Variants in MYLK3 observed in about 807,000 individuals in gnomAD.
MYLK3 encodes MLC kinase.
Under a neutral mutation model 76.3 loss-of-function variants are expected in MYLK3, and 55 were observed. The ratio of observed to expected loss-of-function variants is 0.72; its 90% CI spans 0.58 to 0.90. MYLK3 has a LOEUF of 0.90. Ranked by LOEUF, MYLK3 falls within the 40% of genes least tolerant of loss-of-function variation. MYLK3 has a pLI of 0.00. For missense variants in MYLK3, 973 were observed against 1,053.6 expected (o/e 0.92, Z 1.06); for synonymous variants, 416 against 425.4 (o/e 0.98, Z 0.27).
intron 8 of MYLK3, among the ~76,000 whole-genome samples, chr16:46,724,719 A>C (rs1342570172): frequency 6.6e-6 from 1 of 152,216 alleles, no homozygotes; most frequent in Non-Finnish European, 1.5e-5. Context: ...AAGTTTCAAA[A>C]TTGGGAAAAG....
At chr16:46,749,955 T>G (rs1242537061), upstream of MYLK3, among the ~76,000 whole-genome samples, 1 of 152,012 alleles carries the variant, frequency 6.6e-6, no homozygotes, top group Non-Finnish European at 1.5e-5. Flanking sequence ...CAGAACATGC[T>G]AGAAAGAGCA....
At position 46,707,644 on chromosome 16, in the gene MYLK3, TCTTCA is replaced by T; in HGVS notation, c.*55_*59del. ...AAATTATTTAAATGTTTGAGTCATCTCTTCACTTCACCACTGGCCTCAGTAATTTC... is the reference window on the plus strand; with the variant it reads ...AAATTATTTAAATGTTTGAGTCATCTCTTCACCACTGGCCTCAGTAATTTC... On this transcript the variant is annotated 3_prime_UTR_variant, in exon 13 of 13. Coordinates refer to ENST00000394809, the MANE Select transcript of MYLK3 (RefSeq NM_182493.3). 1.7e-6 allele frequency: 2 copies of T among 1,155,628 alleles called. No individual in the cohort carries two copies. The highest frequency in any genetic ancestry group is 1.4e-5 in the South Asian group (1 of 73,144). 71.6% of individuals were successfully genotyped at this position (1,155,628 alleles called of 1,614,324 possible).
At chr16:46,747,229 T>G (rs1596773639) in intron 1 of MYLK3, among the ~76,000 whole-genome samples, 1 of 152,320 alleles carries the variant, frequency 6.6e-6, no homozygotes, top group East Asian at 1.9e-4. Context: ...CCTGGGTCAC[T>G]GTCAACACTC....
At position 46,748,243 on chromosome 16, in the gene MYLK3, G is replaced by T; in HGVS notation, c.-50C>A. On this transcript the variant is annotated 5_prime_UTR_variant, in exon 1 of 13. The change creates a new upstream start codon in the 5' untranslated region. Coordinates refer to ENST00000394809, the MANE Select transcript of MYLK3 (RefSeq NM_182493.3). The surrounding 1 kb of genome is among the most constrained non-coding windows in gnomAD (Gnocchi z 4.3). ...AGAGCGGGGAATGAGGAGAGGCACA[G>T]ACCCCTGGTTCTCACTCAGGCGGTG... The T allele has an allele frequency of 6.4e-7, 1 of 1,564,444 alleles. No homozygotes were observed.
chr16:46,742,923 T>C (rs929843774), intron 1 of MYLK3, among the ~76,000 whole-genome samples: 5 of 152,198 alleles, frequency 3.3e-5, no homozygotes, highest in Admixed American at 2.0e-4. Context: ...CCTCCTCTTT[T>C]ACCCACTGGC....
chr16:46,722,949 T>C (rs1966814241), intron 8 of MYLK3, among the ~76,000 whole-genome samples: 1 of 152,240 alleles, frequency 6.6e-6, no homozygotes, highest in African/African-American at 2.4e-5. Context: ...CGACCTCAGG[T>C]GATCTGCCTG....
chr16:46,730,010 C>T (rs901818743), intron 5 of MYLK3: 1 of 484,144 alleles, frequency 2.1e-6, no homozygotes, highest in South Asian at 2.1e-5. Flanking sequence ...ATCCCCTCAC[C>T]CCACACCACC....
At position 46,757,549 on chromosome 16, in the gene MYLK3, G is replaced by A. The variant is rs572988830; in HGVS notation, c.-114+5491C>T. ...ACTGTGCCAACTCCGTGTTTACTCTGCCTAGAGATGGATGCTGCCCAAACG... is the reference window on the plus strand; with the variant it reads ...ACTGTGCCAACTCCGTGTTTACTCTACCTAGAGATGGATGCTGCCCAAACG... On this transcript the variant is annotated intron_variant, in intron 1 of 11. Transcript: ENST00000536476. 1.8e-3 allele frequency: 1,747 copies of A among 985,452 alleles called. 2 individuals are homozygous for A. The highest frequency in any genetic ancestry group is 2.0e-3 in the Non-Finnish European group (1,627 of 829,928). The allele number at this position is 985,452 out of a possible 1,614,324, so 61.0% of individuals were successfully genotyped here.
intron 3 of MYLK3, among the ~76,000 whole-genome samples, chr16:46,735,132 C>T (rs1057319916): frequency 1.3e-5 from 2 of 151,314 alleles, no homozygotes; most frequent in East Asian, 1.9e-4. Flanking sequence ...CAGAGTGAGA[C>T]CCTGTCTCAA....
At chr16:46,717,522 C>T (rs1966755047) in intron 9 of MYLK3, among the ~76,000 whole-genome samples, 1 of 150,206 alleles carries the variant, frequency 6.7e-6, no homozygotes, top group Admixed American at 6.7e-5. Context: ...TCATCTTCCA[C>T]TGTATGTTCC....
At chr16:46,747,614 A>T in intron 1 of MYLK3, 103 bp downstream of exon 1, 1 of 1,119,446 alleles carries the variant, frequency 8.9e-7, no homozygotes, top group Non-Finnish European at 1.3e-6. Context: ...TCACACAGGA[A>T]GGGGACACCA....
intron 3 of MYLK3, among the ~76,000 whole-genome samples, 181 bp downstream of exon 3, chr16:46,737,530 G>C (rs1295013263): frequency 6.6e-6 from 1 of 152,188 alleles, no homozygotes; most frequent in Non-Finnish European, 1.5e-5. Context: ...GTTATTTCTA[G>C]TGGGCAGCCG....
At chr16:46,762,815 C>T (rs752652645) in intron 1 of MYLK3, among the ~76,000 whole-genome samples, 12 of 152,178 alleles carry the variant, frequency 7.9e-5, no homozygotes, top group Non-Finnish European at 1.3e-4. Context: ...CTCATCACAG[C>T]GACAGGTGGA....
At chr16:46,742,612 T>C (rs1966952007) in intron 1 of MYLK3, among the ~76,000 whole-genome samples, 1 of 152,184 alleles carries the variant, frequency 6.6e-6, no homozygotes, top group South Asian at 2.1e-4. Context: ...AGGTGGTGGT[T>C]CCACTGTTTG....
intron 1 of MYLK3, among the ~76,000 whole-genome samples, chr16:46,761,176 G>A (rs1023808313): frequency 1.3e-5 from 2 of 152,150 alleles, no homozygotes; most frequent in African/African-American, 4.8e-5. Flanking sequence ...GGTCACAGAG[G>A]GAGCAAAGCT....
intron 3 of MYLK3, among the ~76,000 whole-genome samples, chr16:46,733,171 G>C (rs1966856207): frequency 6.6e-6 from 1 of 152,098 alleles, no homozygotes; most frequent in South Asian, 2.1e-4. Flanking sequence ...AGACCAGCCT[G>C]GGCAACATAG....
chr16:46,742,205 C>T (rs1387577106), intron 1 of MYLK3, among the ~76,000 whole-genome samples: 1 of 148,548 alleles, frequency 6.7e-6, no homozygotes, highest in Non-Finnish European at 1.5e-5. Context: ...TATGTAATTA[C>T]TATACCTTAA....
intron 9 of MYLK3, among the ~76,000 whole-genome samples, chr16:46,717,599 C>A (rs1204598028): frequency 2.0e-5 from 3 of 152,242 alleles, no homozygotes; most frequent in Middle Eastern, 6.8e-3. Context: ...GGCGCCCCCC[C>A]CACCTCCCCT....
intron 9 of MYLK3, among the ~76,000 whole-genome samples, chr16:46,714,135 A>C (rs1467589713): frequency 6.6e-6 from 1 of 152,192 alleles, no homozygotes; most frequent in African/African-American, 2.4e-5. Context: ...TCACTCTTGA[A>C]GAAAAAGAGT....
Sources: allele counts gnomAD v4.1 joint callset (sites outside exome capture counted in the v4.1 genomes callset), GRCh38; gene constraint gnomAD v4.1.1; non-coding constraint Gnocchi (gnomAD v3.1); transcripts MANE v1.5; gene names NCBI Gene and HGNC (gene_info 2026-07-23, HGNC 2026-07-21).